The following REEP3 variants were observed in gnomAD, a reference collection of about 807,000 sequenced individuals.
REEP3 encodes receptor accessory protein 3.
Under a neutral mutation model 41.3 loss-of-function variants are expected in REEP3, and 20 were observed. That is an observed-to-expected ratio of 0.48 (90% CI 0.34 to 0.70). The LOEUF (loss-of-function observed/expected upper bound fraction) is 0.70. Among genes scored for constraint, REEP3 ranks in the 30% least tolerant of loss-of-function variants. The pLI is 0.01. For missense variants in REEP3, 271 were observed against 308.8 expected (o/e 0.88, Z 0.92); for synonymous variants, 104 against 101.8 (o/e 1.02, Z -0.13).
intron 2 of REEP3, among the ~76,000 whole-genome samples, chr10:63,590,545 A>G (rs1306546009): frequency 6.6e-6 from 1 of 151,490 alleles, no homozygotes; most frequent in Non-Finnish European, 1.5e-5. Context: ...TGACTTGTGT[A>G]TAGTTATCGA....
intron 1 of REEP3, among the ~76,000 whole-genome samples, chr10:63,546,772 C>T (rs955435930): frequency 2.0e-5 from 3 of 152,132 alleles, no homozygotes; most frequent in Admixed American, 6.5e-5. Flanking sequence ...GATGGCTATT[C>T]GCAATTATGA....
intron 1 of REEP3, among the ~76,000 whole-genome samples, chr10:63,557,901 G>A (rs1345144248): frequency 6.6e-6 from 1 of 152,136 alleles, no homozygotes; most frequent in Non-Finnish European, 1.5e-5. Context: ...ACCCATGGAG[G>A]GAAGCAAGGA....
intron 2 of REEP3, among the ~76,000 whole-genome samples, chr10:63,576,064 T>C (rs1955896378): frequency 6.6e-6 from 1 of 152,194 alleles, no homozygotes; most frequent in Non-Finnish European, 1.5e-5. Context: ...TAGTCTTTCG[T>C]TTGAATTCTG....
intron 2 of REEP3, among the ~76,000 whole-genome samples, chr10:63,587,581 T>G (rs1393202207): frequency 6.6e-6 from 1 of 152,304 alleles, no homozygotes; most frequent in Non-Finnish European, 1.5e-5. Flanking sequence ...CACATAAAAG[T>G]CCTGGTTAGG....
chr10:63,600,838 T>G (rs755096936), intron 5 of REEP3, among the ~76,000 whole-genome samples: 3 of 152,110 alleles, frequency 2.0e-5, no homozygotes, highest in Non-Finnish European at 4.4e-5. Flanking sequence ...AAAGAATTCA[T>G]AAAGATTCCA....
At chr10:63,594,983 G>A (rs1413498809) in intron 3 of REEP3, 129 bp downstream of exon 3, 4 of 674,090 alleles carry the variant, frequency 5.9e-6, no homozygotes, top group Non-Finnish European at 7.9e-6. Context: ...ATTTGTTTTT[G>A]TCATCTGCTT....
At chr10:63,574,038 T>C (rs957610576) in intron 2 of REEP3, among the ~76,000 whole-genome samples, 2 of 152,218 alleles carry the variant, frequency 1.3e-5, no homozygotes, top group African/African-American at 4.8e-5. Context: ...AGGCTTATTA[T>C]GGAAAACAGT....
chr10:63,569,478 C>CA (rs1554805669), intron 2 of REEP3, among the ~76,000 whole-genome samples: 16 of 145,868 alleles, frequency 1.1e-4, no homozygotes, highest in Non-Finnish European at 1.8e-4. Context: ...CCCAAATCTG[C>CA]TTTTTTTTTT....
chr10:63,549,883 A>G (rs1330228241), intron 1 of REEP3, among the ~76,000 whole-genome samples: 1 of 152,120 alleles, frequency 6.6e-6, no homozygotes, highest in African/African-American at 2.4e-5. Flanking sequence ...GAAATACAAG[A>G]GGCATATTGA....
chr10:63,578,702 A>G (rs935473019), intron 2 of REEP3, among the ~76,000 whole-genome samples: 2 of 152,156 alleles, frequency 1.3e-5, no homozygotes, highest in Admixed American at 6.5e-5. Flanking sequence ...GCTCAAGCAT[A>G]GCAGTTCAAG....
intron 1 of REEP3, among the ~76,000 whole-genome samples, chr10:63,552,171 G>A (rs924725391): frequency 2.6e-5 from 4 of 152,048 alleles, no homozygotes; most frequent in Non-Finnish European, 4.4e-5. Flanking sequence ...TTGGGAGGCC[G>A]AGGCAGGTGG....
At chr10:63,597,542 A>G (rs1462608872) in intron 3 of REEP3, among the ~76,000 whole-genome samples, 3 of 152,252 alleles carry the variant, frequency 2.0e-5, no homozygotes, top group African/African-American at 7.2e-5. Context: ...CAGGTCACAC[A>G]TTCATGAACT....
intron 3 of REEP3, 71 bp from the exon 4 acceptor site, chr10:63,597,953 A>T: frequency 7.3e-7 from 1 of 1,366,860 alleles, no homozygotes; most frequent in Non-Finnish European, 1.0e-6. Flanking sequence ...ACTTTTTAAA[A>T]GGTGTTTTTG....
chr10:63,566,296 A>C (rs1263966743), intron 1 of REEP3, 42 bp from the exon 2 acceptor site: 1 of 1,131,736 alleles, frequency 8.8e-7, no homozygotes, highest in Admixed American at 2.1e-5. Context: ...TGTTTAAAAC[A>C]TTGTTGTGTT....
rs370073734 is a variant in REEP3, at chr10:63,556,634, GTTT to G, written c.33-9687_33-9685del. Among the ~76,000 whole-genome samples, 41 of 78,558 alleles carry G rather than the reference GTTT, an allele frequency of 5.2e-4. 8 individuals are homozygous for G. The South Asian group carries it at 6.0e-3, about 11-fold the overall frequency. The allele number at this position is 78,558 out of a possible 152,430, so 51.5% of individuals were successfully genotyped here. ...TGCTTGTTTTTTTTTTTGTTGTTTTGTTTTTTTTTTTTTTTTTTTGAGACGGAG... is the reference window on the plus strand; with the variant it reads ...TGCTTGTTTTTTTTTTTGTTGTTTTGTTTTTTTTTTTTTTTTGAGACGGAG... On this transcript the variant is annotated intron_variant, in intron 1 of 7. Transcript: ENST00000373758.
chr10:63,557,484 G>A (rs1450663382), intron 1 of REEP3, among the ~76,000 whole-genome samples: 2 of 152,098 alleles, frequency 1.3e-5, no homozygotes, highest in Admixed American at 6.6e-5. Flanking sequence ...TTCAAAATGG[G>A]AGGTTTTTGC....
chr10:63,618,600 T>C (rs2133437847), intron 6 of REEP3, among the ~76,000 whole-genome samples: 1 of 152,342 alleles, frequency 6.6e-6, no homozygotes, highest in African/African-American at 2.4e-5. Flanking sequence ...CTTAGTACTC[T>C]GGTTGTCTGA....
intron 1 of REEP3, among the ~76,000 whole-genome samples, chr10:63,555,078 T>C (rs1955664937): frequency 6.6e-6 from 1 of 152,216 alleles, no homozygotes; most frequent in Non-Finnish European, 1.5e-5. Context: ...ATTAGAAATG[T>C]AGCTCCAATT....
chr10:63,575,688 T>C (rs976334175), intron 2 of REEP3, among the ~76,000 whole-genome samples: 21 of 152,194 alleles, frequency 1.4e-4, no homozygotes, highest in Non-Finnish European at 2.6e-4. Context: ...GCTTAGTTCC[T>C]GAGAATATGA....
Sources: gnomAD v4.1 joint callset for allele counts (sites outside exome capture counted in the v4.1 genomes callset) on GRCh38, gnomAD v4.1.1 for gene constraint, MANE v1.5 for transcripts, NCBI Gene and HGNC (gene_info 2026-07-23, HGNC 2026-07-21) for gene names.